Variants in ZNF778 observed in about 807,000 individuals in gnomAD.
ZNF778 encodes the protein zinc finger protein 778.
In ZNF778, 37 loss-of-function variants were observed where a neutral mutation model predicts 23.9. The ratio of observed to expected loss-of-function variants is 1.54; its 90% CI spans 1.19 to 2.03. The LOEUF is 2.03. ZNF778 is among the 30% of genes most tolerant of loss of function. ZNF778 has a pLI of 0.00. For synonymous variants in ZNF778, 483 were observed against 343.9 expected, an observed-to-expected ratio of 1.40 and a Z score of -4.48; for missense variants, 1,297 against 934.4, an observed-to-expected ratio of 1.39 and a Z score of -5.06.
In ZNF778 at chr16:89,227,633, T is replaced by G; in HGVS notation, c.1345T>G (p.Tyr449Asp). ...ACGAACACACACGGGCGAGAAGCCA[T>G]ACACGTGTAAGGACTGCGGGAAAGC... ...HVRTHTGEKP[Y>D]TCKDCGKAFC... Residue 449 changes from tyrosine to aspartate, a missense_variant, in exon 7 of 7, where the codon TAC (tyrosine) becomes GAC (aspartate). By Grantham distance (160) the Tyr-to-Asp change is radical. Coordinates refer to ENST00000433976, the MANE Select transcript of ZNF778 (RefSeq NM_001201407.2). The G allele has an allele frequency of 6.2e-7, 1 of 1,614,128 alleles. No individual in the cohort carries two copies. Among genetic ancestry groups the G allele is most frequent in the Non-Finnish European group, 8.5e-7 (1 of 1,179,984 alleles).
In ZNF778 at chr16:89,229,632, A is replaced by G; in HGVS notation, c.*1070A>G. The G allele has an allele frequency of 1.0e-6, 1 of 975,700 alleles. No homozygotes were observed. The highest frequency in any genetic ancestry group is 1.2e-6 in the Non-Finnish European group (1 of 828,800). 60.4% of individuals were successfully genotyped at this position (975,700 alleles called of 1,614,324 possible). On this transcript the variant is annotated 3_prime_UTR_variant, in exon 7 of 7. Transcript: ENST00000433976. ...CCAGATGTGATTCTGTGAGCAGCGT[A>G]GGCTCTGCTTGGTTAGTCTTGAGGA...
chr16:89,227,101 T>G lies in ZNF778; in HGVS notation c.813T>G (p.Pro271=), dbSNP rs765814340. 3.1e-6 allele frequency: 5 copies of G among 1,614,046 alleles called. No individual in the cohort carries two copies. ...ALTHSMGCAT[P]VEMHAVRNPH... ...CTCACTCCATGGGCTGCGCCACACC[T>G]GTTGAAATGCATGCCGTCAGGAATC... is the stretch of plus-strand genomic sequence containing the variant. Residue 271 remains proline, a synonymous_variant, in exon 7 of 7, where the codon CCT becomes CCG. Coordinates refer to ENST00000433976, the MANE Select transcript of ZNF778 (RefSeq NM_001201407.2).
chr16:89,234,819 G>C lies in ZNF778; in HGVS notation c.*6257G>C, dbSNP rs1485710249. The C allele has an allele frequency of 6.6e-6, 1 of 152,300 alleles. No individual in the cohort carries two copies. Among genetic ancestry groups the C allele is most frequent in the East Asian group, 1.9e-4 (1 of 5,198 alleles). The allele number at this position is 152,300 out of a possible 1,614,324, so 9.4% of individuals were successfully genotyped here. On this transcript the variant is annotated 3_prime_UTR_variant, in exon 7 of 7. Transcript: ENST00000433976. ...TAATCCCAGCTCCTTGGGAGGCTGA[G>C]GCAGGAGAATTGCTTGAAGATGGGA...
chr16:89,218,825 C>T (rs1597340800), intron 1 of ZNF778, among the ~76,000 whole-genome samples: 1 of 127,834 alleles, frequency 7.8e-6, no homozygotes, highest in Non-Finnish European at 1.7e-5. Context: ...ATAATAAGGT[C>T]CGCTGGGCAC....
At position 89,227,281 on chromosome 16, in the gene ZNF778, T is replaced by A. The variant is rs1448272174; in HGVS notation, c.993T>A (p.His331Gln). ...GCCTAACTCAACATGTAAGAATTCA[T>A]GCTGCAGAGAAACCCTGTGAATGTA... ...SSSLTQHVRI[H>Q]AAEKPCECKE... The change falls in exon 7 of 7, where the codon CAT (histidine) becomes CAA (glutamine). Residue 331 changes from histidine to glutamine, a missense_variant. By Grantham distance (24) the His-to-Gln change is conservative (BLOSUM62 0). Transcript: ENST00000433976. 3.7e-6 allele frequency: 6 copies of A among 1,613,842 alleles called. No individual in the cohort carries two copies. The highest frequency in any genetic ancestry group is 5.1e-6 in the Non-Finnish European group (6 of 1,179,870).
At position 89,226,678 on chromosome 16, in the gene ZNF778, C is replaced by A. The variant is rs943766640; in HGVS notation, c.406-16C>A. ...CCTCAGTAACCCCCTGACCACCACT[C>A]ATTCTTCACCAACAGGCAAGAAGCC... On this transcript the variant is annotated splice_polypyrimidine_tract_variant and intron_variant, in intron 6 of 6. Transcript: ENST00000433976. 2 of 1,597,792 alleles carry A rather than the reference C, an allele frequency of 1.3e-6. No individual in the cohort carries two copies. Among genetic ancestry groups the A allele is most frequent in the Non-Finnish European group, 1.7e-6 (2 of 1,170,084 alleles).
Position 89,234,064 on chromosome 16 carries a change from T to TCTGCAGCTCCCCTTGGGCC in ZNF778, c.*5507_*5525dup, listed in dbSNP as rs1194634248. 1 of 709,348 alleles carries TCTGCAGCTCCCCTTGGGCC rather than the reference T, an allele frequency of 1.4e-6. No homozygotes were observed. The highest frequency in any genetic ancestry group is 2.2e-6 in the Non-Finnish European group (1 of 458,706). The allele number at this position is 709,348 out of a possible 1,614,324, so 43.9% of individuals were successfully genotyped here. ...CTCTGACTTCTGCCTCCTGCCCAGC[T>TCTGCAGCTCCCCTTGGGCC]CTGCAGCTCCCCTTGGGCCCTGCCT... On this transcript the variant is annotated 3_prime_UTR_variant, in exon 7 of 7. Transcript: ENST00000433976.
Position 89,227,067 on chromosome 16 carries a change from A to G in ZNF778, c.779A>G (p.Lys260Arg). ...ACATGGAAATGGAAGCCGTGTGGGA[A>G]AGCTCTAACTCACTCCATGGGCTGC... ...EETWKWKPCG[K>R]ALTHSMGCAT... Residue 260 changes from lysine (K) to arginine (R), a missense_variant, in exon 7 of 7, where the codon AAA (lysine) becomes AGA (arginine). By Grantham distance (26) the Lys-to-Arg change is conservative. Coordinates refer to ENST00000433976, the MANE Select transcript of ZNF778 (RefSeq NM_001201407.2). 2 of 1,613,998 alleles carry G rather than the reference A, an allele frequency of 1.2e-6. No homozygotes were observed. The highest frequency in any genetic ancestry group is 1.7e-6 in the Non-Finnish European group (2 of 1,179,882).
rs1597370787 is a variant in ZNF778 at position 89,232,722 on chromosome 16, A to G, written c.*4160A>G. ...TAGACCGTCCCTCTCAGGCTAGATC[A>G]TTCCTAAAGATGGTAAACAACTTGC... On this transcript the variant is annotated 3_prime_UTR_variant, in exon 7 of 7. Coordinates refer to ENST00000433976, the MANE Select transcript of ZNF778 (RefSeq NM_001201407.2). 7.0e-6 allele frequency: 9 copies of G among 1,278,114 alleles called. No individual in the cohort carries two copies. The South Asian group carries it at 1.0e-4, about 14-fold the overall frequency. 79.2% of individuals were successfully genotyped at this position (1,278,114 alleles called of 1,614,324 possible).
chr16:89,221,251 CGG>C, intron 2 of ZNF778, 99 bp downstream of exon 2: 1 of 1,368,718 alleles, frequency 7.3e-7, no homozygotes, highest in Non-Finnish European at 1.0e-6. Context: ...AGTCACGCTC[CGG>C]GTTCCTATTG....
In ZNF778 at chr16:89,222,111, C is replaced by G; in HGVS notation, c.45C>G (p.Asp15Glu). The G allele has an allele frequency of 6.2e-7, 1 of 1,600,964 alleles. No homozygotes were observed. The highest frequency in any genetic ancestry group is 8.5e-7 in the Non-Finnish European group (1 of 1,171,850). The part of the protein sequence containing the change: ...DLAHGGHVSR[D>E]SVCLHEEQTQ... ...TTTTAGGAGGTCATGTTTCTAGGGA[C>G]TCAGTCTGCCTTCATGAAGAACAGA... The change falls in exon 3 of 7, where the codon GAC becomes GAG. Residue 15 changes from aspartate to glutamate, a missense_variant. Physicochemically the swap from Asp to Glu is conservative, Grantham distance 45. Coordinates refer to ENST00000433976, the MANE Select transcript of ZNF778 (RefSeq NM_001201407.2).
chr16:89,225,691 C>T (rs565377719), intron 6 of ZNF778, 60 bp downstream of exon 6: 3 of 1,477,264 alleles, frequency 2.0e-6, no homozygotes, highest in East Asian at 2.3e-5. Flanking sequence ...GGGAATTCCA[C>T]TATAGAAAAT....
rs548803318 is a variant in ZNF778, at chr16:89,234,529, TAGTG to T, written c.*5970_*5973del. 26 of 176,546 alleles carry T rather than the reference TAGTG, an allele frequency of 1.5e-4. No homozygotes were observed. The highest frequency in any genetic ancestry group is 1.0e-3 in the South Asian group (8 of 7,980). The allele number at this position is 176,546 out of a possible 1,614,324, so 10.9% of individuals were successfully genotyped here. A position where few individuals can be genotyped will look rare whatever the true frequency, so the allele number is the denominator to read the frequency against. On this transcript the variant is annotated 3_prime_UTR_variant, in exon 7 of 7. Coordinates refer to ENST00000433976, the MANE Select transcript of ZNF778 (RefSeq NM_001201407.2). ...TTTGATCTTTGTTCTTTTTTAGAAA[TAGTG>T]AGGCTGTTGTGAGGTGAGTCACCAC...
In ZNF778 at chr16:89,233,762, G is replaced by C; in HGVS notation, c.*5200G>C. On this transcript the variant is annotated 3_prime_UTR_variant, in exon 7 of 7. Transcript: ENST00000433976. The stretch of plus-strand genomic sequence containing the variant: ...GCATATGCAACTCAACTCGCACTGC[G>C]TATGCAACTCAACTCGCACTGCGTA... The C allele has an allele frequency of 8.1e-7, 1 of 1,238,854 alleles. No individual in the cohort carries two copies. Among genetic ancestry groups the C allele is most frequent in the Non-Finnish European group, 1.1e-6 (1 of 948,426 alleles). 76.7% of individuals were successfully genotyped at this position (1,238,854 alleles called of 1,614,324 possible). A position where few individuals can be genotyped will look rare whatever the true frequency, so the allele number is the denominator to read the frequency against.
At chr16:89,222,417 G>A (rs186424632) in intron 3 of ZNF778, among the ~76,000 whole-genome samples, 1 of 152,254 alleles carries the variant, frequency 6.6e-6, no homozygotes, top group African/African-American at 2.4e-5. Context: ...AGGCTGGAGA[G>A]CAATGGCCCA....
At chr16:89,226,101 G>C (rs955263878) in intron 6 of ZNF778, among the ~76,000 whole-genome samples, 1 of 151,766 alleles carries the variant, frequency 6.6e-6, no homozygotes, top group Non-Finnish European at 1.5e-5. Context: ...TAGTAGAGAC[G>C]GGGTTTCACC....
rs886446129 is a variant in ZNF778, at chr16:89,236,183, GAAGA to G, written c.*7628_*7631del. 7.2e-5 allele frequency: 11 copies of G among 151,970 alleles called. No individual in the cohort carries two copies. Among genetic ancestry groups the G allele is most frequent in the Non-Finnish European group, 1.5e-4 (10 of 68,098 alleles). The allele number at this position is 151,970 out of a possible 1,614,324, so 9.4% of individuals were successfully genotyped here. On this transcript the variant is annotated 3_prime_UTR_variant, in exon 7 of 7. Transcript: ENST00000433976. ...CAGAGCGAGACTCTGTCTCAAAAAA[GAAGA>G]AAGAAAAGAAAACCAAGCCCCTGCC...
intron 1 of ZNF778, among the ~76,000 whole-genome samples, chr16:89,218,605 C>G (rs796374947): frequency 1.3e-5 from 2 of 149,290 alleles, no homozygotes; most frequent in Non-Finnish European, 3.0e-5. Flanking sequence ...TCCTGGCTAA[C>G]ACGGTGAAAC....
Position 89,233,918 on chromosome 16 carries a change from ACAG to A in ZNF778, c.*5360_*5362del. ...AAGTCAGCCCAGGATGAGGCACTAGACAGCAGGACATGCTGTATGCCCTTGGGC... is the reference window on the plus strand; with the variant it reads ...AAGTCAGCCCAGGATGAGGCACTAGACAGGACATGCTGTATGCCCTTGGGC... On this transcript the variant is annotated 3_prime_UTR_variant, in exon 7 of 7. Transcript: ENST00000433976. 1.2e-5 allele frequency: 15 copies of A among 1,289,210 alleles called. No homozygotes were observed. The highest frequency in any genetic ancestry group is 7.6e-5 in the African/African-American group (5 of 66,008). The allele number at this position is 1,289,210 out of a possible 1,614,324, so 79.9% of individuals were successfully genotyped here.
Sources: gnomAD v4.1 joint callset for allele counts (sites outside exome capture counted in the v4.1 genomes callset) on GRCh38, gnomAD v4.1.1 for gene constraint, MANE v1.5 for transcripts, NCBI Gene and HGNC (gene_info 2026-07-23, HGNC 2026-07-21) for gene names.